ABCC11: variants seen among roughly 807,000 people sequenced by gnomAD.
ABCC11 encodes ATP-binding cassette sub-family C member 11.
In ABCC11, 135 loss-of-function variants were observed where a neutral mutation model predicts 149.3. That is an observed-to-expected ratio of 0.90 (90% CI 0.79 to 1.04). The LOEUF (loss-of-function observed/expected upper bound fraction) is 1.04. ABCC11 is among the 50% of genes least tolerant of loss of function. The pLI, the probability that ABCC11 is intolerant of heterozygous loss-of-function variation, is 0.00. For synonymous variants in ABCC11, 665 were observed against 671.4 expected (o/e 0.99, Z 0.15); for missense variants, 1,680 against 1,722.1 (o/e 0.98, Z 0.43).
intron 1 of ABCC11, among the ~76,000 whole-genome samples, chr16:48,234,739 G>C (rs1327633577): frequency 6.6e-6 from 1 of 152,182 alleles, no homozygotes; most frequent in Non-Finnish European, 1.5e-5. Flanking sequence ...GGGTTATGCT[G>C]CCAACAGAAG....
At chr16:48,243,040 TAAACTA>T in intron 1 of ABCC11, among the ~76,000 whole-genome samples, 1 of 149,550 alleles carries the variant, frequency 6.7e-6, no homozygotes, top group Non-Finnish European at 1.5e-5. Flanking sequence ...CCCTAGAACT[TAAACTA>T]TAATAAAAAA....
intron 26 of ABCC11, among the ~76,000 whole-genome samples, chr16:48,171,422 T>G (rs569857277): frequency 6.6e-6 from 1 of 152,286 alleles, no homozygotes; most frequent in African/African-American, 2.4e-5. Context: ...AGGGCCCTCA[T>G]GTGGAGTTCA....
chr16:48,216,807 G>A (rs1370001213), intron 6 of ABCC11, among the ~76,000 whole-genome samples: 2 of 152,186 alleles, frequency 1.3e-5, no homozygotes, highest in Non-Finnish European at 1.5e-5. Context: ...AGTCTGTACA[G>A]AACCAGCTTG....
chr16:48,192,259 C>T (rs1475609181), intron 20 of ABCC11, among the ~76,000 whole-genome samples: 4 of 151,910 alleles, frequency 2.6e-5, no homozygotes, highest in East Asian at 1.9e-4. Flanking sequence ...CCTTGGGCAA[C>T]GTGGTGAAAC....
At chr16:48,225,997 A>G (rs184646901) in intron 4 of ABCC11, among the ~76,000 whole-genome samples, 18 of 152,278 alleles carry the variant, frequency 1.2e-4, no homozygotes, top group Non-Finnish European at 1.0e-4. Context: ...TGTACTCACA[A>G]TGGTTAGAGA....
chr16:48,211,235 A>G (rs1968901550), intron 10 of ABCC11, 36 bp from the exon 11 acceptor site: 2 of 1,602,604 alleles, frequency 1.2e-6, no homozygotes, highest in Non-Finnish European at 8.5e-7. Flanking sequence ...GAGGAGGAAT[A>G]CAGTTCTTTA....
intron 4 of ABCC11, among the ~76,000 whole-genome samples, 176 bp downstream of exon 4, chr16:48,227,630 T>C (rs1016849798): frequency 6.6e-6 from 1 of 152,088 alleles, no homozygotes. Flanking sequence ...CATACCATTT[T>C]AGGAGATTCA....
At chr16:48,232,547 C>CT (rs1344263567) in intron 1 of ABCC11, among the ~76,000 whole-genome samples, 3 of 151,838 alleles carry the variant, frequency 2.0e-5, no homozygotes, top group South Asian at 2.1e-4. Flanking sequence ...AATCAGGGTT[C>CT]TTTTTTTAAA....
In ABCC11 at chr16:48,176,827, T is replaced by C. The variant is rs541908020; in HGVS notation, c.3538+97A>G. The C allele has an allele frequency of 9.0e-5, 124 of 1,371,822 alleles. 1 individual carries two copies. The South Asian group carries it at 1.7e-3, about 19-fold the overall frequency. The allele number at this position is 1,371,822 out of a possible 1,614,324, so 85.0% of individuals were successfully genotyped here. A position where few individuals can be genotyped will look rare whatever the true frequency, so the allele number is the denominator to read the frequency against. On this transcript the variant is annotated intron_variant, in intron 25 of 29. Coordinates refer to ENST00000356608, the MANE Select transcript of ABCC11 (RefSeq NM_001370497.1). ...CACAGCATGAGGACCTAATACATAT[T>C]TGGGGGATGACTGAGCAAACACATG... is the stretch of plus-strand genomic sequence containing the variant.
chr16:48,232,660 G>A (rs1252456764), intron 1 of ABCC11, among the ~76,000 whole-genome samples: 1 of 152,278 alleles, frequency 6.6e-6, no homozygotes, highest in East Asian at 1.9e-4. Context: ...GTAGTAATTA[G>A]GAATATTCTG....
intron 25 of ABCC11, among the ~76,000 whole-genome samples, chr16:48,176,618 CA>C (rs1370188205): frequency 6.6e-6 from 1 of 152,160 alleles, no homozygotes; most frequent in African/African-American, 2.4e-5. Context: ...CCCAGGTATC[CA>C]AGGCCCAGTA....
intron 14 of ABCC11, among the ~76,000 whole-genome samples, chr16:48,202,139 C>A (rs534392592): frequency 6.6e-6 from 1 of 152,260 alleles, no homozygotes; most frequent in South Asian, 2.1e-4. Context: ...TACTCTAGGC[C>A]GGGCACTAGT....
intron 1 of ABCC11, among the ~76,000 whole-genome samples, chr16:48,246,642 C>T (rs2150955870): frequency 6.6e-6 from 1 of 152,254 alleles, no homozygotes; most frequent in Middle Eastern, 3.4e-3. Flanking sequence ...GTGATCGTAG[C>T]CCACCGCAAC....
intron 1 of ABCC11, chr16:48,244,657 C>G: frequency 7.6e-7 from 1 of 1,312,668 alleles, no homozygotes; most frequent in Admixed American, 4.2e-5. Flanking sequence ...CGGCGGGCGG[C>G]GCGGCCTCCT....
intron 3 of ABCC11, among the ~76,000 whole-genome samples, chr16:48,228,677 C>T (rs977972060): frequency 6.6e-6 from 1 of 151,982 alleles, no homozygotes; most frequent in African/African-American, 2.4e-5. Flanking sequence ...ACAGTATGTA[C>T]ATTTATATCA....
At position 48,230,577 on chromosome 16, in the gene ABCC11, G is replaced by C. The variant is rs1970363277; in HGVS notation, c.100-4C>G. ...CATCTTGGAGAGTATAGGTTTTCTT[G>C]GAAAAGAAAAACAAAAGAGCATCAG... On this transcript the variant is annotated splice_polypyrimidine_tract_variant and splice_region_variant and intron_variant, in intron 2 of 29. Coordinates refer to ENST00000356608, the MANE Select transcript of ABCC11 (RefSeq NM_001370497.1). 1.2e-5 allele frequency: 19 copies of C among 1,551,710 alleles called. No homozygotes were observed. Among genetic ancestry groups the C allele is most frequent in the Non-Finnish European group, 1.7e-5 (19 of 1,147,266 alleles).
rs759958087 is a variant in ABCC11, at chr16:48,200,451, C to T, written c.1907G>A (p.Gly636Glu). ...CAGGCTGATCCTCTGTTTCTGCCCC[C>T]CAGAGAGGTTGAGGCCCCGCTCTCC... ...EIGERGLNLSGGQKQRISLAR... is the reference protein window; with the variant it reads ...EIGERGLNLSEGQKQRISLAR... The change falls in exon 15 of 30, where the codon GGG (glycine) becomes GAG (glutamate). Residue 636 changes from glycine (G) to glutamate (E), a missense_variant. Physicochemically the swap from Gly to Glu is moderately conservative, Grantham distance 98. Coordinates refer to ENST00000356608, the MANE Select transcript of ABCC11 (RefSeq NM_001370497.1). The T allele has an allele frequency of 9.9e-6, 16 of 1,614,178 alleles. No homozygotes were observed. The Admixed American group carries it at 1.0e-4, about 10-fold the overall frequency.
chr16:48,197,907 C>T, intron 17 of ABCC11, 64 bp downstream of exon 17: 8 of 1,554,464 alleles, frequency 5.1e-6, no homozygotes, highest in South Asian at 1.1e-5. Context: ...GGAGGAAACA[C>T]TGGGACCTCT....
rs1195577178 is a variant in ABCC11, at chr16:48,200,484, A to G, written c.1879-5T>C. The stretch of plus-strand genomic sequence containing the variant: ...GTTGAGGCCCCGCTCTCCAATCTGC[A>G]GACAGGCAGTAAAAGGCACCATGTC... On this transcript the variant is annotated splice_polypyrimidine_tract_variant and splice_region_variant and intron_variant, in intron 14 of 29. Transcript: ENST00000356608. The G allele has an allele frequency of 5.0e-6, 8 of 1,613,680 alleles. No homozygotes were observed. The highest frequency in any genetic ancestry group is 6.8e-6 in the Non-Finnish European group (8 of 1,179,812).
Sources: allele counts gnomAD v4.1 joint callset (sites outside exome capture counted in the v4.1 genomes callset), GRCh38; gene constraint gnomAD v4.1.1; transcripts MANE v1.5; gene names NCBI Gene and HGNC (gene_info 2026-07-23, HGNC 2026-07-21).